The following WDPCP variants were observed in gnomAD, a reference collection of about 807,000 sequenced individuals.
WDPCP encodes WD repeat containing planar cell polarity effector.
In WDPCP, 71 loss-of-function variants were observed where a neutral mutation model predicts 93.1. That is an observed-to-expected ratio of 0.76 (90% CI 0.63 to 0.93). WDPCP has a LOEUF of 0.93. WDPCP is among the 40% of genes least tolerant of loss of function. The pLI, the probability that WDPCP is intolerant of heterozygous loss-of-function variation, is 0.00. For synonymous variants in WDPCP, 315 were observed against 315.0 expected, an observed-to-expected ratio of 1.00 and a Z score of 0.00; for missense variants, 844 against 887.4, an observed-to-expected ratio of 0.95 and a Z score of 0.62.
chr2:63,170,038 G>A lies in WDPCP; in HGVS notation c.2078+4632C>T, dbSNP rs534183374. On this transcript the variant is annotated intron_variant, in intron 15 of 17. Transcript: ENST00000272321. ...CTCCCAAGTAGCTGGGACTGCAGGC[G>A]TGGACCACCATGCCAGGCTAATTTT... Among the ~76,000 whole-genome samples the A allele has an allele frequency of 1.2e-4, 18 of 151,082 alleles. No individual in the cohort carries two copies. The South Asian group carries it at 1.9e-3, about 16-fold the overall frequency.
At chr2:63,477,419 A>G (rs1034209753) in intron 6 of WDPCP, among the ~76,000 whole-genome samples, 1 of 152,168 alleles carries the variant, frequency 6.6e-6, no homozygotes, top group Non-Finnish European at 1.5e-5. Context: ...AGGGACAGGC[A>G]TTGTCTGAAG....
At chr2:63,267,633 A>G (rs1452770105) in intron 13 of WDPCP, among the ~76,000 whole-genome samples, 1 of 152,216 alleles carries the variant, frequency 6.6e-6, no homozygotes, top group Non-Finnish European at 1.5e-5. Context: ...AAACAACTCA[A>G]TAGTAAGAAA....
Position 63,404,408 on chromosome 2 carries a change from A to C in WDPCP, c.1075T>G (p.Ser359Ala). The C allele has an allele frequency of 6.2e-7, 1 of 1,614,202 alleles. No individual in the cohort carries two copies. ...TGAGTTTCATAAAGAATTAGCGAAG[A>C]ATCTTCACAGCCCAGAATCAGTTTG... ...EDKLILGCED[S>A]SLILYETHRR... The change falls in exon 10 of 18, where the codon TCT (serine) becomes GCT (alanine). Residue 359 changes from serine (S) to alanine (A), a missense_variant. Coordinates refer to ENST00000272321, the MANE Select transcript of WDPCP (RefSeq NM_015910.7).
chr2:63,523,078 A>T (rs1165985823), intron 1 of WDPCP, among the ~76,000 whole-genome samples: 2 of 152,214 alleles, frequency 1.3e-5, no homozygotes, highest in Non-Finnish European at 2.9e-5. Context: ...AGCACACAAA[A>T]TCCAGCAGCA....
intron 6 of WDPCP, among the ~76,000 whole-genome samples, chr2:63,450,221 G>C (rs1175579149): frequency 6.6e-6 from 1 of 152,132 alleles, no homozygotes; most frequent in Non-Finnish European, 1.5e-5. Flanking sequence ...GCCTGTCTGG[G>C]GCTATGAGTG....
At chr2:63,575,536 A>G (rs373069717) in intron 1 of WDPCP, among the ~76,000 whole-genome samples, 2,543 of 133,014 alleles carry the variant, frequency 0.019, 839 homozygotes, top group African/African-American at 0.031. Flanking sequence ...CAGTATATAC[A>G]CTGTATATAT....
In WDPCP at chr2:63,313,252, A is replaced by G. The variant is rs761707318; in HGVS notation, c.1808T>C (p.Phe603Ser). Residue 603 changes from phenylalanine to serine, a missense_variant, in exon 13 of 18, where the codon TTT (phenylalanine) becomes TCT (serine). Phe to Ser is a radical substitution (Grantham distance 155). Transcript: ENST00000272321. ...TCATCTCTGAAAATGACTCACCATA[A>G]AGAGGTCACGAGCACCAACGTCAAC... The part of the protein sequence containing the change: ...LAVDVGARDL[F>S]MDIHYLALDK... 1.2e-6 allele frequency: 2 copies of G among 1,613,580 alleles called. No individual in the cohort carries two copies. The highest frequency in any genetic ancestry group is 1.7e-6 in the Non-Finnish European group (2 of 1,179,644).
intron 6 of WDPCP, among the ~76,000 whole-genome samples, chr2:63,467,208 G>A (rs572007702): frequency 5.9e-5 from 9 of 152,248 alleles, no homozygotes; most frequent in Non-Finnish European, 1.2e-4. Context: ...AAGGTCCAGC[G>A]GTGGCTCACA....
At chr2:63,790,552 T>C (rs1670529803) in intron 2 of WDPCP, among the ~76,000 whole-genome samples, 1 of 152,152 alleles carries the variant, frequency 6.6e-6, no homozygotes, top group African/African-American at 2.4e-5. Context: ...AATCCCATAG[T>C]ATTGGGCTAC....
intron 13 of WDPCP, among the ~76,000 whole-genome samples, chr2:63,299,183 A>AGTC (rs1413115284): frequency 6.6e-6 from 1 of 152,210 alleles, no homozygotes; most frequent in Non-Finnish European, 1.5e-5. Context: ...CCACATTGTG[A>AGTC]GTCCCTTAAA....
At chr2:63,380,560 C>T (rs113704554) in intron 11 of WDPCP, among the ~76,000 whole-genome samples, 4 of 151,858 alleles carry the variant, frequency 2.6e-5, no homozygotes, top group African/African-American at 9.7e-5. Context: ...AATCCCTCTA[C>T]TAAAAATAGA....
chr2:63,335,807 C>T (rs1342762877), intron 12 of WDPCP, among the ~76,000 whole-genome samples: 1 of 152,158 alleles, frequency 6.6e-6, no homozygotes, highest in Non-Finnish European at 1.5e-5. Context: ...CATTCTAAGT[C>T]ACAGGATGAG....
intron 2 of WDPCP, among the ~76,000 whole-genome samples, chr2:63,745,375 G>GT (rs1430200849): frequency 2.0e-5 from 3 of 152,076 alleles, no homozygotes; most frequent in Admixed American, 6.6e-5. Context: ...CTGAATGATC[G>GT]TATCAACTGG....
chr2:63,206,124 T>C (rs1676319681), intron 14 of WDPCP, among the ~76,000 whole-genome samples: 1 of 152,218 alleles, frequency 6.6e-6, no homozygotes, highest in African/African-American at 2.4e-5. Context: ...ATGTATCACA[T>C]TCATTGATCT....
At chr2:63,524,903 T>G (rs1399195788) in intron 1 of WDPCP, among the ~76,000 whole-genome samples, 1 of 152,102 alleles carries the variant, frequency 6.6e-6, no homozygotes, top group Admixed American at 6.5e-5. Flanking sequence ...GGTATATACC[T>G]AAAGGAATAT....
At chr2:63,800,252 T>A (rs758147292) in intron 2 of WDPCP, among the ~76,000 whole-genome samples, 3 of 152,154 alleles carry the variant, frequency 2.0e-5, no homozygotes, top group Non-Finnish European at 2.9e-5. Flanking sequence ...ACTGAGAAAC[T>A]TTTGAGTTCC....
intron 2 of WDPCP, among the ~76,000 whole-genome samples, chr2:63,719,350 GA>G (rs1243189249): frequency 6.6e-6 from 1 of 152,158 alleles, no homozygotes; most frequent in African/African-American, 2.4e-5. Flanking sequence ...ACAGTAGTGA[GA>G]GGTTAAATAC....
the WDPCP span, among the ~76,000 whole-genome samples, chr2:63,837,649 T>C: frequency 6.6e-6 from 1 of 152,258 alleles, no homozygotes. Context: ...TATTAGATAA[T>C]GCTCATGGGT....
At chr2:63,797,333 G>A (rs903118068) in intron 2 of WDPCP, among the ~76,000 whole-genome samples, 1 of 152,034 alleles carries the variant, frequency 6.6e-6, no homozygotes, top group Admixed American at 6.6e-5. Flanking sequence ...ACATTGTCTT[G>A]CAGCTTATGT....
Sources: gnomAD v4.1 joint callset for allele counts (sites outside exome capture counted in the v4.1 genomes callset) on GRCh38, gnomAD v4.1.1 for gene constraint, MANE v1.5 for transcripts, NCBI Gene and HGNC (gene_info 2026-07-23, HGNC 2026-07-21) for gene names.